The following TNRC6A variants were observed in gnomAD, a reference collection of about 807,000 sequenced individuals.
TNRC6A encodes trinucleotide repeat-containing gene 6A protein.
TNRC6A carries 44 observed loss-of-function variants against 221.2 expected under a neutral mutation model. That is an observed-to-expected ratio of 0.20 (90% confidence interval 0.16 to 0.26). TNRC6A has a LOEUF of 0.26. Among genes scored for constraint, TNRC6A ranks in the 10% least tolerant of loss-of-function variants. The probability of loss-of-function intolerance (pLI) is 1.00; values close to 1 mark genes in which losing one functional copy is unlikely to be tolerated. For missense variants in TNRC6A, 2,199 were observed against 2,404.4 expected, an observed-to-expected ratio of 0.91 and a Z score of 1.79; for synonymous variants, 847 against 838.5, an observed-to-expected ratio of 1.01 and a Z score of -0.18.
At chr16:24,720,963 G>A (rs1301203506) in intron 2 of TNRC6A, among the ~76,000 whole-genome samples, 1 of 152,016 alleles carries the variant, frequency 6.6e-6, no homozygotes, top group Admixed American at 6.6e-5. Context: ...GCTGAGGCAG[G>A]AGAATGGCAT....
chr16:24,666,676 T>C (rs1481295766), intron 2 of TNRC6A, among the ~76,000 whole-genome samples: 1 of 121,350 alleles, frequency 8.2e-6, no homozygotes, highest in African/African-American at 3.0e-5. Context: ...AAAATATATA[T>C]ATATATATAT....
rs1328057259 is a variant in TNRC6A at position 24,825,433 on chromosome 16, T to A, written c.*1626T>A. 6.6e-6 allele frequency: 1 copy of A among 152,662 alleles called. No individual in the cohort carries two copies. The highest frequency in any genetic ancestry group is 1.5e-5 in the Non-Finnish European group (1 of 68,036). The allele number at this position is 152,662 out of a possible 1,614,324, so 9.5% of individuals were successfully genotyped here. ...AATTATGAAATTTCTTCAGATATAA[T>A]AAACCATGACTTTTTGGCTGCTCAA... On this transcript the variant is annotated 3_prime_UTR_variant, in exon 25 of 25. Transcript: ENST00000395799.
intron 2 of TNRC6A, among the ~76,000 whole-genome samples, chr16:24,644,046 T>A (rs2141783935): frequency 6.6e-6 from 1 of 151,478 alleles, no homozygotes; most frequent in African/African-American, 2.4e-5. Context: ...TTCTAGATCA[T>A]CGCTGGGTTT....
intron 2 of TNRC6A, among the ~76,000 whole-genome samples, chr16:24,718,992 GCAC>G (rs903072498): frequency 3.4e-5 from 5 of 147,468 alleles, no homozygotes; most frequent in Non-Finnish European, 7.4e-5. Context: ...AGCCGAGATC[GCAC>G]CACTGTACTC....
At chr16:24,623,186 TTTA>T in intron 1 of TNRC6A, among the ~76,000 whole-genome samples, 1 of 129,008 alleles carries the variant, frequency 7.8e-6, no homozygotes, top group East Asian at 2.0e-4. Flanking sequence ...TATTTATTTA[TTTA>T]TTTACTTATT....
chr16:24,633,801 G>A (rs568284170), intron 1 of TNRC6A, among the ~76,000 whole-genome samples: 9 of 132,832 alleles, frequency 6.8e-5, no homozygotes, highest in Non-Finnish European at 1.4e-4. Flanking sequence ...TTTTTTTTTC[G>A]AGACGAAGTC....
chr16:24,681,309 C>G (rs888361196), intron 2 of TNRC6A, among the ~76,000 whole-genome samples: 1 of 152,122 alleles, frequency 6.6e-6, no homozygotes, highest in Non-Finnish European at 1.5e-5. Flanking sequence ...CTCACTGCAG[C>G]CTACACCTCC....
rs200962572 is a variant in TNRC6A at position 24,737,518 on chromosome 16, T to C, written c.53+7218T>C. ...TAACTAGGGAAAAGCATTTTGAATTTTTAGCAGTAGTATATTATGTGATGA... is the reference window on the plus strand; with the variant it reads ...TAACTAGGGAAAAGCATTTTGAATTCTTAGCAGTAGTATATTATGTGATGA... On this transcript the variant is annotated intron_variant, in intron 2 of 24. Coordinates refer to ENST00000395799, the MANE Select transcript of TNRC6A (RefSeq NM_014494.4). Among the ~76,000 whole-genome samples, 18 of 152,376 alleles carry C rather than the reference T, an allele frequency of 1.2e-4. No individual in the cohort carries two copies. In the East Asian group the frequency reaches 3.5e-3, roughly 29 times the overall value.
intron 2 of TNRC6A, among the ~76,000 whole-genome samples, chr16:24,741,765 T>C (rs1301741389): frequency 2.0e-5 from 3 of 152,242 alleles, no homozygotes; most frequent in Admixed American, 2.0e-4. Flanking sequence ...CTTTGCATCC[T>C]AACCTTAGCT....
At position 24,647,299 on chromosome 16, in the gene TNRC6A, A is replaced by G. The variant is rs540759000; in HGVS notation, n.402+6290A>G. ...TTTTTACAACTTAAATAATTTTTTT[A>G]CCATCTTTCCATTAAAAATTGTGTA... On this transcript the variant is annotated intron_variant and non_coding_transcript_variant, in intron 2 of 2. Transcript: ENST00000566108. Among the ~76,000 whole-genome samples the G allele has an allele frequency of 3.3e-5, 5 of 152,306 alleles. No individual in the cohort carries two copies. The South Asian group carries it at 1.0e-3, about 32-fold the overall frequency.
chr16:24,709,487 T>A (rs1286037867), intron 2 of TNRC6A, among the ~76,000 whole-genome samples: 1 of 152,108 alleles, frequency 6.6e-6, no homozygotes, highest in Non-Finnish European at 1.5e-5. Context: ...TTTTAAAATG[T>A]TCATTGAGTT....
chr16:24,815,545 C>T, intron 19 of TNRC6A: 1 of 512,260 alleles, frequency 2.0e-6, no homozygotes, highest in Non-Finnish European at 3.6e-6. Flanking sequence ...CCCCATTGAC[C>T]AGCATGAAGA....
chr16:24,790,925 T>C lies in TNRC6A; in HGVS notation c.2283T>C (p.Phe761=). Residue 761 remains phenylalanine (F), a synonymous_variant, in exon 6 of 25, where the codon TTT becomes TTC. Transcript: ENST00000395799. ...GGGGAAGCTCTGCAACACAGACTTT[T>C]AACTCAGGGGCATGTATAGATAAGA... The part of the protein sequence containing the change: ...EAWGSSATQT[F]NSGACIDKTS... 10 of 1,613,960 alleles carry C rather than the reference T, an allele frequency of 6.2e-6. No homozygotes were observed. Among genetic ancestry groups the C allele is most frequent in the Non-Finnish European group, 8.5e-6 (10 of 1,179,964 alleles).
chr16:24,649,035 CTT>C (rs1902471640), intron 2 of TNRC6A, among the ~76,000 whole-genome samples: 1 of 151,940 alleles, frequency 6.6e-6, no homozygotes, highest in South Asian at 2.1e-4. Flanking sequence ...AATCTCAACA[CTT>C]TGGGGGACTG....
intron 18 of TNRC6A, among the ~76,000 whole-genome samples, chr16:24,810,796 C>T (rs929804273): frequency 6.6e-6 from 1 of 152,048 alleles, no homozygotes; most frequent in Admixed American, 6.6e-5. Flanking sequence ...TGCCTAGAGG[C>T]AGTTAAGACT....
intron 11 of TNRC6A, among the ~76,000 whole-genome samples, chr16:24,798,689 A>T (rs931026105): frequency 1.4e-4 from 22 of 152,224 alleles, no homozygotes; most frequent in African/African-American, 5.1e-4. Context: ...GAATCAACAA[A>T]AATTGATAAC....
chr16:24,704,678 A>AAAG (rs2056060424), intron 2 of TNRC6A, among the ~76,000 whole-genome samples: 2 of 148,620 alleles, frequency 1.3e-5, no homozygotes, highest in Admixed American at 6.8e-5. Context: ...AAAAAAAAAA[A>AAAG]AAAAAAAAAA....
chr16:24,701,911 A>G (rs1402864788), intron 2 of TNRC6A, among the ~76,000 whole-genome samples: 1 of 151,834 alleles, frequency 6.6e-6, no homozygotes, highest in Non-Finnish European at 1.5e-5. Flanking sequence ...CCATCCATCA[A>G]CTTTGTTCCT....
At chr16:24,728,791 C>G (rs2056538281), upstream of TNRC6A, among the ~76,000 whole-genome samples, 1 of 152,130 alleles carries the variant, frequency 6.6e-6, no homozygotes, top group East Asian at 1.9e-4. Flanking sequence ...ATATCTTAGT[C>G]TATCTACATG....
Sources: gnomAD v4.1 joint callset for allele counts (sites outside exome capture counted in the v4.1 genomes callset) on GRCh38, gnomAD v4.1.1 for gene constraint, MANE v1.5 for transcripts, NCBI Gene and HGNC (gene_info 2026-07-23, HGNC 2026-07-21) for gene names.